The following C11orf52 variants were observed in gnomAD, a reference collection of about 807,000 sequenced individuals.
C11orf52 encodes uncharacterized protein C11orf52.
C11orf52 carries 9 observed loss-of-function variants against 11.7 expected under a neutral mutation model. That is an observed-to-expected ratio of 0.77 (90% CI 0.46 to 1.34). The LOEUF is 1.34. Ranked by LOEUF, C11orf52 falls within the 40% of genes most tolerant of loss-of-function variation. The pLI is 0.00. For synonymous variants in C11orf52, 49 were observed against 57.4 expected, an observed-to-expected ratio of 0.85 and a Z score of 0.66; for missense variants, 139 against 154.8, an observed-to-expected ratio of 0.90 and a Z score of 0.54.
Position 111,926,002 on chromosome 11 carries a change from C to T in C11orf52, c.175C>T (p.Gln59Ter), listed in dbSNP as rs1555166925. The T allele has an allele frequency of 3.7e-6, 6 of 1,614,230 alleles. No homozygotes were observed. Among genetic ancestry groups the T allele is most frequent in the South Asian group, 1.1e-5 (1 of 91,082 alleles). The change falls in exon 4 of 4, where the codon CAG (glutamine) becomes TAG (stop). Residue 59 changes from glutamine to a stop codon, truncating the protein, a stop_gained. Coordinates refer to ENST00000278601, the MANE Select transcript of C11orf52 (RefSeq NM_080659.3). LOFTEE classifies it low-confidence loss of function (END_TRUNC). ...TGHTYERVLQQQGSQERSPGL... is the reference protein window; with the variant it reads ...TGHTYERVLQ The stretch of plus-strand genomic sequence containing the variant: ...ACATACGTATGAACGGGTGTTACAG[C>T]AGCAAGGGTCTCAAGAGAGGAGTCC...
intron 1 of C11orf52, among the ~76,000 whole-genome samples, chr11:111,919,816 A>G (rs1555166371): frequency 6.6e-6 from 1 of 152,218 alleles, no homozygotes; most frequent in African/African-American, 2.4e-5. Context: ...ACTGAGGCCC[A>G]CCTGACTTCA....
chr11:111,923,935 T>C (rs868974339), intron 1 of C11orf52, among the ~76,000 whole-genome samples: 7 of 151,782 alleles, frequency 4.6e-5, no homozygotes, highest in African/African-American at 1.2e-4. Context: ...AAAAAAGCAC[T>C]GAAGAAGAGG....
At chr11:111,925,121 C>A (rs587610501) in intron 2 of C11orf52, among the ~76,000 whole-genome samples, 1 of 151,226 alleles carries the variant, frequency 6.6e-6, no homozygotes, top group African/African-American at 2.4e-5. Flanking sequence ...GACTCTGTCT[C>A]TAAATAAATA....
chr11:111,920,244 G>C (rs587767650), intron 1 of C11orf52, among the ~76,000 whole-genome samples: 1 of 151,884 alleles, frequency 6.6e-6, no homozygotes, highest in Admixed American at 6.5e-5. Flanking sequence ...ATAAATTAAA[G>C]GGCAGAAGTG....
In C11orf52 at chr11:111,926,799, A is replaced by T. The variant is rs1167976064; in HGVS notation, c.*600A>T. 1 of 149,044 alleles carries T rather than the reference A, an allele frequency of 6.7e-6. No individual in the cohort carries two copies. Among genetic ancestry groups the T allele is most frequent in the Non-Finnish European group, 1.4e-5 (1 of 69,050 alleles). The allele number at this position is 149,044 out of a possible 1,614,324, so 9.2% of individuals were successfully genotyped here. A position where few individuals can be genotyped will look rare whatever the true frequency, so the allele number is the denominator to read the frequency against. ...TAACCGACAGCACAGTGAGGCCTGG[A>T]AACTTCCCTCGGAGGGACTGTTGGC... On this transcript the variant is annotated 3_prime_UTR_variant, in exon 4 of 4. Coordinates refer to ENST00000278601, the MANE Select transcript of C11orf52 (RefSeq NM_080659.3).
rs781805876 is a variant in C11orf52 at position 111,919,023 on chromosome 11, C to A, written c.32+19C>A. ...GAAGCTGGTGAGTAGGCTGGAAGGG[C>A]AAAGGGGAACATCTATCTCTGTTGG... On this transcript the variant is annotated intron_variant, in intron 1 of 3. Coordinates refer to ENST00000278601, the MANE Select transcript of C11orf52 (RefSeq NM_080659.3). 5 of 1,613,884 alleles carry A rather than the reference C, an allele frequency of 3.1e-6. No individual in the cohort carries two copies. In the South Asian group the frequency reaches 5.5e-5, roughly 18 times the overall value.
intron 1 of C11orf52, among the ~76,000 whole-genome samples, chr11:111,921,546 T>G (rs964278776): frequency 3.3e-5 from 5 of 152,198 alleles, no homozygotes. Flanking sequence ...AATGTCAGGA[T>G]TGAAAAAATA....
At chr11:111,919,567 C>T (rs1965655759) in intron 1 of C11orf52, among the ~76,000 whole-genome samples, 1 of 152,136 alleles carries the variant, frequency 6.6e-6, no homozygotes, top group Non-Finnish European at 1.5e-5. Flanking sequence ...TTTTCTGTGC[C>T]CTCTTCCTCC....
rs752415120 is a variant in C11orf52 at position 111,921,964 on chromosome 11, C to T, written c.33-2362C>T. 7.6e-4 allele frequency among the ~76,000 whole-genome samples: 116 copies of T among 152,290 alleles called. 1 individual carries two copies. The highest frequency in any genetic ancestry group is 1.3e-3 in the Non-Finnish European group (88 of 68,036). On this transcript the variant is annotated intron_variant, in intron 1 of 3. Transcript: ENST00000278601. ...TCTCATGCCTCAGTCTCCCTAGTAGCTGGCATTACAGGTGCGTGCCACCAC... is the reference window on the plus strand; with the variant it reads ...TCTCATGCCTCAGTCTCCCTAGTAGTTGGCATTACAGGTGCGTGCCACCAC...
intron 1 of C11orf52, among the ~76,000 whole-genome samples, chr11:111,922,453 A>AT (rs1320997889): frequency 6.6e-6 from 1 of 152,154 alleles, no homozygotes; most frequent in Non-Finnish European, 1.5e-5. Context: ...ATTGCAGAAA[A>AT]TTTAACTTCT....
intron 1 of C11orf52, among the ~76,000 whole-genome samples, chr11:111,921,838 A>ATT (rs34183951): frequency 2.0e-5 from 3 of 148,132 alleles, no homozygotes; most frequent in Admixed American, 6.7e-5. Flanking sequence ...TATCATACTC[A>ATT]TTTTTTTTTT....
chr11:111,925,850 C>T (rs1253365994), intron 3 of C11orf52, 110 bp from the exon 4 acceptor site: 11 of 1,575,528 alleles, frequency 7.0e-6, no homozygotes, highest in Middle Eastern at 1.7e-4. Context: ...TCTGTCTGTC[C>T]TTTGCTCAAA....
intron 2 of C11orf52, among the ~76,000 whole-genome samples, chr11:111,924,997 G>A (rs1488489674): frequency 1.3e-5 from 2 of 152,100 alleles, no homozygotes; most frequent in Admixed American, 6.6e-5. Context: ...AGTGGTATGC[G>A]CCTGTAGTAC....
chr11:111,920,140 A>G (rs1295905083), intron 1 of C11orf52, among the ~76,000 whole-genome samples: 2 of 152,164 alleles, frequency 1.3e-5, no homozygotes, highest in Non-Finnish European at 2.9e-5. Context: ...GCTTGCAGTG[A>G]GCCGAGATTG....
intron 1 of C11orf52, chr11:111,919,267 G>C (rs1292892402): frequency 3.8e-5 from 18 of 479,956 alleles, no homozygotes; most frequent in South Asian, 3.6e-4. Flanking sequence ...GAGGTCAGTA[G>C]ATCGAGACCA....
chr11:111,922,968 T>C (rs1555166663), intron 1 of C11orf52, among the ~76,000 whole-genome samples: 1 of 152,244 alleles, frequency 6.6e-6, no homozygotes, highest in African/African-American at 2.4e-5. Context: ...TGTATCTAAA[T>C]GAATACTCAC....
intron 3 of C11orf52, 33 bp downstream of exon 3, chr11:111,925,747 T>A: frequency 6.2e-7 from 1 of 1,611,052 alleles, no homozygotes; most frequent in South Asian, 1.1e-5. Context: ...TCTCTGGGGC[T>A]GCTCGGACAT....
chr11:111,919,088 G>C (rs1965645147), intron 1 of C11orf52, 84 bp downstream of exon 1: 2 of 1,503,994 alleles, frequency 1.3e-6, no homozygotes, highest in Non-Finnish European at 1.8e-6. Flanking sequence ...CCTGGAGATA[G>C]TTGTCTGCCA....
rs149626679 is a variant in C11orf52, at chr11:111,923,920, GA to G, written c.33-396del. 7.6e-3 allele frequency among the ~76,000 whole-genome samples: 1,119 copies of G among 147,280 alleles called. 5 individuals carry two copies. The highest frequency in any genetic ancestry group is 0.052 in the Middle Eastern group (15 of 290). ...AGTCCCAGATTGGTAAAGACCCCAG[GA>G]AAAAAAAAAGCACTGAAGAAGAGGC... On this transcript the variant is annotated intron_variant, in intron 1 of 3. Transcript: ENST00000278601.
Sources: allele counts gnomAD v4.1 joint callset (sites outside exome capture counted in the v4.1 genomes callset), GRCh38; gene constraint gnomAD v4.1.1; transcripts MANE v1.5; gene names NCBI Gene and HGNC (gene_info 2026-07-23, HGNC 2026-07-21).